CNTNAP2: variants seen among roughly 807,000 people sequenced by gnomAD.
CNTNAP2 encodes the protein contactin associated protein 2.
CNTNAP2 carries 98 observed loss-of-function variants against 155.2 expected under a neutral mutation model. The observed-to-expected ratio is 0.63, with a 90% CI of 0.54 to 0.75. The LOEUF is 0.75. Ranked by LOEUF, CNTNAP2 falls within the 30% of genes least tolerant of loss-of-function variation. The pLI is 0.00. For missense variants in CNTNAP2, 1,727 were observed against 1,688.1 expected (o/e 1.02, Z -0.40); for synonymous variants, 651 against 631.2 (o/e 1.03, Z -0.47).
At chr7:147,337,231 C>T (rs1584882546) in intron 9 of CNTNAP2, among the ~76,000 whole-genome samples, 1 of 152,186 alleles carries the variant, frequency 6.6e-6, no homozygotes, top group Non-Finnish European at 1.5e-5. Flanking sequence ...CCAGCCCCCA[C>T]TAAGGCACAG....
At chr7:147,202,687 T>G (rs1802946231) in intron 8 of CNTNAP2, among the ~76,000 whole-genome samples, 1 of 151,992 alleles carries the variant, frequency 6.6e-6, no homozygotes, top group South Asian at 2.1e-4. Flanking sequence ...CTAAGCAAAC[T>G]GTCCCAAGGA....
intron 9 of CNTNAP2, among the ~76,000 whole-genome samples, chr7:147,341,508 T>G (rs1282807142): frequency 2.0e-5 from 3 of 152,062 alleles, no homozygotes; most frequent in African/African-American, 4.8e-5. Flanking sequence ...AAAATGGAAT[T>G]GTCTGAGAAG....
chr7:147,231,034 C>T (rs1189144614), intron 8 of CNTNAP2, among the ~76,000 whole-genome samples: 7 of 152,176 alleles, frequency 4.6e-5, no homozygotes, highest in African/African-American at 7.2e-5. Context: ...AATCAAAGCA[C>T]GTATTACATG....
At chr7:146,233,362 A>C (rs555357907) in intron 1 of CNTNAP2, among the ~76,000 whole-genome samples, 2 of 152,158 alleles carry the variant, frequency 1.3e-5, no homozygotes, top group Non-Finnish European at 2.9e-5. Context: ...ATAATTAGCC[A>C]GTGGTTTTTC....
chr7:147,500,155 ATAAAATTAG>A (rs1798784664), intron 11 of CNTNAP2, among the ~76,000 whole-genome samples: 1 of 74,218 alleles, frequency 1.3e-5, no homozygotes, highest in Non-Finnish European at 2.7e-5. Flanking sequence ...CAGTTTATGG[ATAAAATTAG>A]CAATATGATC....
At chr7:146,891,050 A>G (rs755746725) in intron 3 of CNTNAP2, among the ~76,000 whole-genome samples, 2 of 152,212 alleles carry the variant, frequency 1.3e-5, no homozygotes, top group Non-Finnish European at 2.9e-5. Flanking sequence ...ATCTCATAGA[A>G]TACTATGCAG....
chr7:146,988,350 T>C (rs1277605412), intron 3 of CNTNAP2, among the ~76,000 whole-genome samples: 1 of 152,136 alleles, frequency 6.6e-6, no homozygotes, highest in Non-Finnish European at 1.5e-5. Context: ...TATTTATATA[T>C]ATATATGGAT....
intron 1 of CNTNAP2, among the ~76,000 whole-genome samples, chr7:146,483,211 A>T (rs1159217240): frequency 6.9e-6 from 1 of 145,540 alleles, no homozygotes; most frequent in African/African-American, 2.5e-5. Context: ...GGGAGGCGGA[A>T]CTTGCAGTGA....
chr7:147,940,167 G>A (rs538581935), intron 14 of CNTNAP2: 1 of 151,928 alleles, frequency 6.6e-6, no homozygotes, highest in Non-Finnish European at 1.5e-5. Flanking sequence ...GGAATCATCA[G>A]TTTGCCTAAG....
At chr7:147,853,749 A>T (rs1798990660) in intron 13 of CNTNAP2, among the ~76,000 whole-genome samples, 1 of 152,126 alleles carries the variant, frequency 6.6e-6, no homozygotes, top group African/African-American at 2.4e-5. Flanking sequence ...ACTAACCTTT[A>T]TCTCTTGATA....
intron 1 of CNTNAP2, among the ~76,000 whole-genome samples, chr7:146,547,955 A>G (rs76593776): frequency 6.6e-6 from 1 of 151,524 alleles, no homozygotes; most frequent in African/African-American, 2.4e-5. Flanking sequence ...CTTGCTGCCT[A>G]CTGCATTTTT....
intron 10 of CNTNAP2, among the ~76,000 whole-genome samples, chr7:147,476,368 G>T (rs1798320824): frequency 6.6e-6 from 1 of 151,874 alleles, no homozygotes; most frequent in African/African-American, 2.4e-5. Context: ...GCCTCCCAAA[G>T]TGCTGGGATT....
chr7:148,235,682 A>ATT (rs748645353), intron 20 of CNTNAP2, among the ~76,000 whole-genome samples: 53 of 70,160 alleles, frequency 7.6e-4, no homozygotes, highest in East Asian at 5.3e-3. Flanking sequence ...CTGTGCAGCA[A>ATT]TTATTTTTTT....
chr7:148,002,233 C>T (rs1341972208), intron 15 of CNTNAP2, among the ~76,000 whole-genome samples: 2 of 152,118 alleles, frequency 1.3e-5, no homozygotes, highest in East Asian at 1.9e-4. Context: ...CCTCCAGCCA[C>T]GTGTATTTTC....
chr7:147,635,096 G>A (rs893312086), intron 12 of CNTNAP2, among the ~76,000 whole-genome samples: 1 of 151,518 alleles, frequency 6.6e-6, no homozygotes, highest in African/African-American at 2.4e-5. Flanking sequence ...TGCAGCTTTT[G>A]CTGTATTTGA....
intron 15 of CNTNAP2, among the ~76,000 whole-genome samples, chr7:148,082,631 G>A (rs546063330): frequency 8.7e-4 from 132 of 152,214 alleles, no homozygotes; most frequent in African/African-American, 3.2e-3. Context: ...AGAAAGCAAA[G>A]AGAATGAGGA....
At chr7:147,011,054 C>CT (rs1286562017) in intron 3 of CNTNAP2, among the ~76,000 whole-genome samples, 37 of 152,124 alleles carry the variant, frequency 2.4e-4, no homozygotes, top group African/African-American at 8.7e-4. Flanking sequence ...CCCTGAATTT[C>CT]ATCCTGAGGA....
At chr7:147,497,083 T>C (rs1798723401) in intron 11 of CNTNAP2, 1 of 152,232 alleles carries the variant, frequency 6.6e-6, no homozygotes, top group Non-Finnish European at 1.5e-5. Flanking sequence ...TGGGGTATTC[T>C]CTCATCTGAC....
intron 10 of CNTNAP2, among the ~76,000 whole-genome samples, chr7:147,481,152 T>A (rs1798416140): frequency 1.3e-5 from 2 of 152,212 alleles, no homozygotes; most frequent in African/African-American, 4.8e-5. Flanking sequence ...AGACATTTTA[T>A]TTTAAAATGT....
Sources: gnomAD v4.1 joint callset for allele counts (sites outside exome capture counted in the v4.1 genomes callset) on GRCh38, gnomAD v4.1.1 for gene constraint, MANE v1.5 for transcripts, NCBI Gene and HGNC (gene_info 2026-07-23, HGNC 2026-07-21) for gene names.